ERICH5: variants seen among roughly 807,000 people sequenced by gnomAD.
ERICH5 encodes glutamate-rich protein 5.
ERICH5 carries 24 observed loss-of-function variants against 28.0 expected under a neutral mutation model. That is an observed-to-expected ratio of 0.86 (90% CI 0.62 to 1.21). ERICH5 has a LOEUF of 1.21. ERICH5 is among the 50% of genes most tolerant of loss of function. The pLI is 0.00. For missense variants in ERICH5, 421 were observed against 441.2 expected (o/e 0.95, Z 0.41); for synonymous variants, 163 against 157.6 (o/e 1.03, Z -0.25).
intron 1 of ERICH5, among the ~76,000 whole-genome samples, chr8:98,073,358 C>T (rs2130511391): frequency 6.9e-6 from 1 of 144,702 alleles, no homozygotes; most frequent in East Asian, 2.1e-4. Context: ...GAAGCTTGCT[C>T]TTTAGGCCAG....
In ERICH5 at chr8:98,088,469, C is replaced by T. The variant is rs184445592; in HGVS notation, c.59-607C>T. Among the ~76,000 whole-genome samples, 9 of 152,232 alleles carry T rather than the reference C, an allele frequency of 5.9e-5. No individual in the cohort carries two copies. The East Asian group carries it at 1.2e-3, about 20-fold the overall frequency. On this transcript the variant is annotated intron_variant, in intron 1 of 2. Transcript: ENST00000318528. Reference sequence around the variant, plus strand: ...CTGTTGATTTCTTTTCCCACTGTGCCCCCCAAATGACATGAAACTCAGGCT... The same window carrying T: ...CTGTTGATTTCTTTTCCCACTGTGCTCCCCAAATGACATGAAACTCAGGCT...
intron 2 of ERICH5, among the ~76,000 whole-genome samples, chr8:98,090,615 A>G (rs949533081): frequency 4.6e-5 from 7 of 151,508 alleles, no homozygotes; most frequent in African/African-American, 1.7e-4. Flanking sequence ...AAAAAAAAAA[A>G]GAAAGAAAAA....
intron 1 of ERICH5, among the ~76,000 whole-genome samples, chr8:98,066,846 C>T (rs957169100): frequency 6.6e-6 from 1 of 152,170 alleles, no homozygotes; most frequent in African/African-American, 2.4e-5. Context: ...TGTTTCTGCA[C>T]CTTGCAACTT....
At chr8:98,082,502 A>G (rs11991915) in intron 1 of ERICH5, among the ~76,000 whole-genome samples, 47,116 of 151,868 alleles carry the variant, frequency 0.31, 7,503 homozygotes, top group African/African-American at 0.36. Context: ...AAAATTAGCC[A>G]GGTGTGGTGG....
intron 1 of ERICH5, among the ~76,000 whole-genome samples, chr8:98,087,331 A>C (rs1206654500): frequency 6.6e-6 from 1 of 152,234 alleles, no homozygotes; most frequent in East Asian, 1.9e-4. Flanking sequence ...CTTTTTTAGA[A>C]GGGTAAATGG....
At chr8:98,087,064 C>G (rs973961710) in intron 1 of ERICH5, among the ~76,000 whole-genome samples, 1 of 151,776 alleles carries the variant, frequency 6.6e-6, no homozygotes, top group Admixed American at 6.6e-5. Context: ...TTAATTGAGA[C>G]GGGCGTGGTG....
chr8:98,087,612 G>T (rs1815305541), intron 1 of ERICH5, among the ~76,000 whole-genome samples: 1 of 149,292 alleles, frequency 6.7e-6, no homozygotes, highest in South Asian at 2.1e-4. Context: ...TCCCCCTTTT[G>T]CCCTCCCTCC....
At chr8:98,080,571 TCTTCTC>T (rs1300757991) in intron 1 of ERICH5, among the ~76,000 whole-genome samples, 6 of 152,096 alleles carry the variant, frequency 3.9e-5, no homozygotes, top group Non-Finnish European at 8.8e-5. Flanking sequence ...TTTCATTTCT[TCTTCTC>T]CTTCTCCTTC....
At chr8:98,088,947 C>T in intron 1 of ERICH5, 129 bp from the exon 2 acceptor site, 1 of 676,322 alleles carries the variant, frequency 1.5e-6, no homozygotes, top group East Asian at 2.7e-5. Context: ...CCTTTCTGTA[C>T]TCAGATATAT....
chr8:98,083,047 A>G (rs1354291040), intron 1 of ERICH5, among the ~76,000 whole-genome samples: 2 of 152,236 alleles, frequency 1.3e-5, no homozygotes, highest in East Asian at 1.9e-4. Flanking sequence ...GACTGATAGC[A>G]TAATATGTTT....
At chr8:98,079,522 T>G (rs1815132445) in intron 1 of ERICH5, among the ~76,000 whole-genome samples, 1 of 152,130 alleles carries the variant, frequency 6.6e-6, no homozygotes, top group African/African-American at 2.4e-5. Context: ...ATTGCTAACA[T>G]TATAAGTACT....
chr8:98,079,384 G>T (rs562474247), intron 1 of ERICH5, among the ~76,000 whole-genome samples: 2 of 151,978 alleles, frequency 1.3e-5, no homozygotes, highest in South Asian at 4.2e-4. Context: ...CCCAGATCTT[G>T]CCTGTAGTAT....
intron 1 of ERICH5, among the ~76,000 whole-genome samples, chr8:98,079,166 CTTTTTTTTTTT>C (rs528062932): frequency 4.6e-4 from 35 of 75,588 alleles, no homozygotes; most frequent in South Asian, 2.1e-3. Context: ...TTTTTTTTTC[CTTTTTTTTTTT>C]TTTTTTTTTT....
intron 1 of ERICH5, among the ~76,000 whole-genome samples, chr8:98,080,246 A>G (rs1205486360): frequency 6.6e-6 from 1 of 151,748 alleles, no homozygotes; most frequent in Non-Finnish European, 1.5e-5. Flanking sequence ...CTGAAAGGCA[A>G]ACAATACCCA....
intron 1 of ERICH5, among the ~76,000 whole-genome samples, chr8:98,082,349 A>C (rs192822196): frequency 6.6e-6 from 1 of 152,152 alleles, no homozygotes; most frequent in Non-Finnish European, 1.5e-5. Context: ...AAATTGGGAA[A>C]GTTACATAAG....
rs765475482 is a variant in ERICH5, at chr8:98,089,822, G to T, written c.805G>T (p.Glu269Ter). The change falls in exon 2 of 3, where the codon GAA becomes TAA. Residue 269 changes from glutamate (E) to a stop codon, truncating the protein, a stop_gained. Coordinates refer to ENST00000318528, the MANE Select transcript of ERICH5 (RefSeq NM_173549.3). LOFTEE classifies it high-confidence loss of function. ...AATTCCCAAAGAGAATGTAACACCAGAAGTATTGGACAGAAGTCAGCTTGT... is the reference window on the plus strand; with the variant it reads ...AATTCCCAAAGAGAATGTAACACCATAAGTATTGGACAGAAGTCAGCTTGT... ...ERIPKENVTP[E>*]VLDRSQLVEK... 7 of 1,614,168 alleles carry T rather than the reference G, an allele frequency of 4.3e-6. No individual in the cohort carries two copies. The East Asian group carries it at 1.3e-4, about 31-fold the overall frequency.
intron 2 of ERICH5, among the ~76,000 whole-genome samples, chr8:98,091,900 C>CTTCCTTCCTTT: frequency 5.4e-5 from 4 of 74,676 alleles, no homozygotes; most frequent in African/African-American, 2.2e-4. Context: ...TTCTTTCTTT[C>CTTCCTTCCTTT]CTTTCTTTCT....
chr8:98,073,466 A>AATTTTTTTTTTTTT (rs1814971895), intron 1 of ERICH5, among the ~76,000 whole-genome samples: 1 of 2,044 alleles, frequency 4.9e-4, no homozygotes, highest in African/African-American at 2.3e-3. Context: ...ATATGTATAT[A>AATTTTTTTTTTTTT]TATATATATA....
chr8:98,082,181 A>AT (rs1815195009), intron 1 of ERICH5, among the ~76,000 whole-genome samples: 3 of 152,192 alleles, frequency 2.0e-5, no homozygotes, highest in Admixed American at 1.3e-4. Flanking sequence ...GTGTATGGTC[A>AT]TTTTAAAGGT....
Sources: gnomAD v4.1 joint callset for allele counts (sites outside exome capture counted in the v4.1 genomes callset) on GRCh38, gnomAD v4.1.1 for gene constraint, MANE v1.5 for transcripts, NCBI Gene and HGNC (gene_info 2026-07-23, HGNC 2026-07-21) for gene names.